The following CD109 variants were observed in gnomAD, a reference collection of about 807,000 sequenced individuals.
CD109 encodes CD109 molecule.
Under a neutral mutation model 165.8 loss-of-function variants are expected in CD109, and 149 were observed. The observed-to-expected ratio is 0.90, with a 90% CI of 0.79 to 1.03. The LOEUF is 1.03. CD109 is among the 50% of genes least tolerant of loss of function. CD109 has a pLI of 0.00. For missense variants in CD109, 1,712 were observed against 1,677.8 expected (o/e 1.02, Z -0.36); for synonymous variants, 585 against 592.1 (o/e 0.99, Z 0.18).
At chr6:73,680,551 G>C in the CD109 span, among the ~76,000 whole-genome samples, 12 of 152,178 alleles carry the variant, frequency 7.9e-5, no homozygotes, top group Non-Finnish European at 1.3e-4. Context: ...AAGGGCAGTG[G>C]CTGAAGAGAG....
At chr6:73,751,573 G>GA in intron 5 of CD109, among the ~76,000 whole-genome samples, 1 of 152,256 alleles carries the variant, frequency 6.6e-6, no homozygotes, top group African/African-American at 2.4e-5. Context: ...AGGAGATGCA[G>GA]ACCACTCCTA....
chr6:73,804,158 A>G (rs1053669829), intron 24 of CD109: 1 of 152,270 alleles, frequency 6.6e-6, no homozygotes, highest in African/African-American at 2.4e-5. Flanking sequence ...GGGGCAGGAA[A>G]GTGAATTCCT....
chr6:73,782,558 A>G, intron 17 of CD109, 56 bp from the exon 18 acceptor site: 1 of 1,535,926 alleles, frequency 6.5e-7, no homozygotes, highest in Non-Finnish European at 9.0e-7. Flanking sequence ...TGTGGAGTTT[A>G]CAATTCATTC....
At chr6:73,758,406 G>T (rs140720279) in intron 6 of CD109, among the ~76,000 whole-genome samples, 2 of 152,162 alleles carry the variant, frequency 1.3e-5, no homozygotes, top group African/African-American at 4.8e-5. Flanking sequence ...TATTTTTCGA[G>T]ACGGAGTCTC....
At chr6:73,752,084 T>C (rs963454656) in intron 5 of CD109, among the ~76,000 whole-genome samples, 1 of 152,208 alleles carries the variant, frequency 6.6e-6, no homozygotes, top group African/African-American at 2.4e-5. Context: ...TGGAGAGTAG[T>C]GCTAAAACAA....
rs956911187 is a variant in CD109, at chr6:73,758,815, C to G, written c.674-129C>G. On this transcript the variant is annotated intron_variant, in intron 6 of 32. Coordinates refer to ENST00000287097, the MANE Select transcript of CD109 (RefSeq NM_133493.5). The stretch of plus-strand genomic sequence containing the variant: ...GTTCAAATAGTACAAATTATTAACT[C>G]CTTCACAACAATTTTATTTTTCATT... 7.5e-6 allele frequency: 5 copies of G among 665,102 alleles called. No homozygotes were observed. In the African/African-American group the frequency reaches 9.2e-5, roughly 12 times the overall value. The allele number at this position is 665,102 out of a possible 1,614,324, so 41.2% of individuals were successfully genotyped here.
intron 23 of CD109, among the ~76,000 whole-genome samples, chr6:73,794,105 G>A (rs1317414508): frequency 6.6e-6 from 1 of 152,134 alleles, no homozygotes; most frequent in Non-Finnish European, 1.5e-5. Context: ...ATAATTCTAT[G>A]TAATGACAGT....
chr6:73,820,960 A>G (rs1018278625), intron 32 of CD109, among the ~76,000 whole-genome samples: 7 of 152,074 alleles, frequency 4.6e-5, no homozygotes, highest in African/African-American at 1.7e-4. Flanking sequence ...GCACATATAC[A>G]CCATGGAATA....
chr6:73,730,337 C>T lies in CD109; in HGVS notation c.277-7C>T. On this transcript the variant is annotated splice_region_variant and splice_polypyrimidine_tract_variant and intron_variant, in intron 3 of 32. Transcript: ENST00000287097. The stretch of plus-strand genomic sequence containing the variant: ...GACCTTGATGTGTGATCTCTTTTTC[C>T]CCCCAGCTACCTCTGAACAGTGCAG... 2 of 1,559,472 alleles carry T rather than the reference C, an allele frequency of 1.3e-6. No homozygotes were observed. Among genetic ancestry groups the T allele is most frequent in the Non-Finnish European group, 1.8e-6 (2 of 1,139,452 alleles).
intron 31 of CD109, among the ~76,000 whole-genome samples, chr6:73,818,898 C>T (rs1364858678): frequency 1.3e-5 from 2 of 152,194 alleles, no homozygotes; most frequent in Non-Finnish European, 1.5e-5. Context: ...GTGGTGCAAT[C>T]GTAGCTCACT....
intron 9 of CD109, among the ~76,000 whole-genome samples, chr6:73,763,232 TTAA>T (rs1352172070): frequency 1.3e-5 from 2 of 152,234 alleles, no homozygotes; most frequent in Non-Finnish European, 2.9e-5. Context: ...GTTTTCACTT[TTAA>T]TAAGAAAATA....
At chr6:73,794,057 C>T (rs1775066053) in intron 23 of CD109, among the ~76,000 whole-genome samples, 1 of 152,148 alleles carries the variant, frequency 6.6e-6, no homozygotes, top group South Asian at 2.1e-4. Flanking sequence ...GCTTTTCTTC[C>T]AGGTTCCATT....
intron 5 of CD109, among the ~76,000 whole-genome samples, chr6:73,753,361 T>G (rs1369024517): frequency 6.6e-6 from 1 of 152,210 alleles, no homozygotes; most frequent in African/African-American, 2.4e-5. Flanking sequence ...ATTATTAATT[T>G]TAAATATTTC....
intron 22 of CD109, among the ~76,000 whole-genome samples, chr6:73,791,132 CAT>C (rs1163631661): frequency 8.5e-5 from 4 of 46,826 alleles, no homozygotes; most frequent in East Asian, 1.2e-3. Flanking sequence ...TATATACATA[CAT>C]ACATATATAT....
intron 23 of CD109, among the ~76,000 whole-genome samples, chr6:73,796,104 G>A (rs1253374456): frequency 6.6e-6 from 1 of 152,106 alleles, no homozygotes; most frequent in Non-Finnish European, 1.5e-5. Context: ...TTCCATTCAA[G>A]CATGATTGCT....
At chr6:73,781,578 T>G (rs894651687) in intron 17 of CD109, among the ~76,000 whole-genome samples, 6 of 152,192 alleles carry the variant, frequency 3.9e-5, no homozygotes, top group African/African-American at 1.4e-4. Flanking sequence ...GGTAGTTATA[T>G]TTTTGGACAT....
intron 21 of CD109, 82 bp from the exon 22 acceptor site, chr6:73,788,386 A>T: frequency 8.1e-7 from 1 of 1,236,686 alleles, no homozygotes; most frequent in Non-Finnish European, 1.1e-6. Context: ...AACAGGTCAG[A>T]TGTTTGTGCT....
Position 73,789,702 on chromosome 6 carries a change from C to T in CD109, c.2701+1090C>T, listed in dbSNP as rs528631491. On this transcript the variant is annotated intron_variant, in intron 22 of 32. Coordinates refer to ENST00000287097, the MANE Select transcript of CD109 (RefSeq NM_133493.5). ...GTCTCCATCTCCTGACTTCATGATCCACCCGCCTCGGCCTCCCAAAGTGCT... is the reference window on the plus strand; with the variant it reads ...GTCTCCATCTCCTGACTTCATGATCTACCCGCCTCGGCCTCCCAAAGTGCT... 3.3e-5 allele frequency among the ~76,000 whole-genome samples: 5 copies of T among 151,986 alleles called. No homozygotes were observed. In the South Asian group the frequency reaches 8.3e-4, roughly 25 times the overall value.
chr6:73,741,544 A>G (rs1326495514), intron 5 of CD109, among the ~76,000 whole-genome samples: 1 of 152,246 alleles, frequency 6.6e-6, no homozygotes, highest in Non-Finnish European at 1.5e-5. Flanking sequence ...AATGTGTTTT[A>G]AAAGTTAGAC....
Sources: allele counts gnomAD v4.1 joint callset (sites outside exome capture counted in the v4.1 genomes callset), GRCh38; gene constraint gnomAD v4.1.1; transcripts MANE v1.5; gene names NCBI Gene and HGNC (gene_info 2026-07-23, HGNC 2026-07-21).